DIRAS2: variants seen among roughly 807,000 people sequenced by gnomAD.
DIRAS2 encodes DIRAS family GTPase 2, also known as GTP-binding protein Di-Ras2.
In DIRAS2, 5 loss-of-function variants were observed where a neutral mutation model predicts 13.9. That is an observed-to-expected ratio of 0.36 (90% CI 0.19 to 0.76). DIRAS2 has a LOEUF of 0.76. Among genes scored for constraint, DIRAS2 ranks in the 30% least tolerant of loss-of-function variants. DIRAS2 has a pLI of 0.53. For missense variants in DIRAS2, 191 were observed against 263.0 expected (o/e 0.73, Z 1.89); for synonymous variants, 111 against 105.4 (o/e 1.05, Z -0.33).
In DIRAS2 at chr9:90,624,852, C is replaced by A. The variant is rs534325415; in HGVS notation, c.-36-10989G>T. On this transcript the variant is annotated intron_variant, in intron 1 of 1. Coordinates refer to ENST00000375765, the MANE Select transcript of DIRAS2 (RefSeq NM_017594.5). Reference sequence around the variant, plus strand: ...GCCTCAGCCTCCCGAGTAGCTGGGACTACAGGCGGGCGCCACCACCTGCCT... The same window carrying A: ...GCCTCAGCCTCCCGAGTAGCTGGGAATACAGGCGGGCGCCACCACCTGCCT... 2.7e-4 allele frequency among the ~76,000 whole-genome samples: 41 copies of A among 152,236 alleles called. No individual in the cohort carries two copies. The South Asian group carries it at 8.3e-3, about 31-fold the overall frequency.
At chr9:90,627,131 T>G (rs1196023600) in intron 1 of DIRAS2, among the ~76,000 whole-genome samples, 6 of 152,200 alleles carry the variant, frequency 3.9e-5, no homozygotes, top group Non-Finnish European at 8.8e-5. Context: ...CTATTTCTTC[T>G]GCTTTCACCA....
chr9:90,615,319 A>C (rs566472259), intron 1 of DIRAS2, among the ~76,000 whole-genome samples: 3 of 152,214 alleles, frequency 2.0e-5, no homozygotes, highest in Non-Finnish European at 4.4e-5. Context: ...TTCAATACTC[A>C]GCTGTTCTTG....
chr9:90,642,198 G>A (rs1825424696), intron 1 of DIRAS2, among the ~76,000 whole-genome samples: 2 of 152,228 alleles, frequency 1.3e-5, no homozygotes, highest in African/African-American at 4.8e-5. Flanking sequence ...ACTGGATGCA[G>A]CCCCTTGCCC....
chr9:90,614,614 C>T lies in DIRAS2; in HGVS notation c.-36-751G>A, dbSNP rs1290643245. Reference sequence around the variant, plus strand: ...TCCCATAAGCTGTCTGTAGACAGAGCTGGTCCCAGTGACTTGGGCGTTACT... The same window carrying T: ...TCCCATAAGCTGTCTGTAGACAGAGTTGGTCCCAGTGACTTGGGCGTTACT... On this transcript the variant is annotated intron_variant, in intron 1 of 1. Transcript: ENST00000375765. Among the ~76,000 whole-genome samples the T allele has an allele frequency of 2.6e-5, 4 of 152,136 alleles. No homozygotes were observed. In the East Asian group the frequency reaches 5.8e-4, roughly 22 times the overall value.
intron 1 of DIRAS2, among the ~76,000 whole-genome samples, chr9:90,616,434 A>G (rs1825169385): frequency 6.6e-6 from 1 of 152,208 alleles, no homozygotes; most frequent in Non-Finnish European, 1.5e-5. Context: ...TATCATAGCA[A>G]GTGCTGCAAA....
At chr9:90,640,680 A>G (rs899779955) in intron 1 of DIRAS2, among the ~76,000 whole-genome samples, 1 of 152,230 alleles carries the variant, frequency 6.6e-6, no homozygotes, top group South Asian at 2.1e-4. Flanking sequence ...GCAATCCACC[A>G]TATGAGTGAG....
At chr9:90,634,820 G>A (rs1174657383) in intron 1 of DIRAS2, among the ~76,000 whole-genome samples, 2 of 152,166 alleles carry the variant, frequency 1.3e-5, no homozygotes, top group Non-Finnish European at 2.9e-5. Flanking sequence ...CAGAAATAAA[G>A]TACAACTCTA....
intron 1 of DIRAS2, among the ~76,000 whole-genome samples, chr9:90,630,365 A>G (rs768436881): frequency 4.6e-5 from 7 of 152,244 alleles, no homozygotes; most frequent in Non-Finnish European, 1.0e-4. Flanking sequence ...GGCAACGGCA[A>G]TTGAAATAAA....
chr9:90,639,865 T>C (rs1825403050), intron 1 of DIRAS2, among the ~76,000 whole-genome samples: 1 of 152,244 alleles, frequency 6.6e-6, no homozygotes, highest in African/African-American at 2.4e-5. Flanking sequence ...ATCATTTGTA[T>C]ATTTATTTTT....
At chr9:90,623,351 C>T (rs1825237254) in intron 1 of DIRAS2, among the ~76,000 whole-genome samples, 1 of 152,084 alleles carries the variant, frequency 6.6e-6, no homozygotes, top group South Asian at 2.1e-4. Context: ...GCTGGGATGA[C>T]TTGATACACA....
intron 1 of DIRAS2, among the ~76,000 whole-genome samples, chr9:90,616,898 T>C (rs754660715): frequency 6.2e-4 from 94 of 152,140 alleles, no homozygotes; most frequent in Non-Finnish European, 1.2e-3. Context: ...TAGGAAAGTA[T>C]ACATTACGCC....
chr9:90,614,861 T>C (rs1825153043), intron 1 of DIRAS2, among the ~76,000 whole-genome samples: 1 of 152,224 alleles, frequency 6.6e-6, no homozygotes, highest in South Asian at 2.1e-4. Flanking sequence ...CCTAGTTTAA[T>C]ATTTATTTTT....
In DIRAS2 at chr9:90,613,291, G is replaced by T; in HGVS notation, c.537C>A (p.Asp179Glu). Residue 179 changes from aspartate (D) to glutamate (E), a missense_variant, in exon 2 of 2, where the codon GAC (aspartate) becomes GAA (glutamate). Physicochemically the swap from Asp to Glu is conservative, Grantham distance 45. Transcript: ENST00000375765. The surrounding 1 kb of genome is among the most constrained non-coding windows in gnomAD (Gnocchi z 5.6). ...EKRRTVSLQIDGKKSKQQKRK... is the reference protein window; with the variant it reads ...EKRRTVSLQIEGKKSKQQKRK... ...TTTTCTGCTGCTTGCTCTTTTTCCCGTCGATCTGGAGACTCACGGTCCTGC... is the reference window on the plus strand; with the variant it reads ...TTTTCTGCTGCTTGCTCTTTTTCCCTTCGATCTGGAGACTCACGGTCCTGC... The T allele has an allele frequency of 6.2e-7, 1 of 1,613,742 alleles. No homozygotes were observed. The highest frequency in any genetic ancestry group is 8.5e-7 in the Non-Finnish European group (1 of 1,179,998).
Position 90,631,077 on chromosome 9 carries a change from G to A in DIRAS2, c.-37+11675C>T, listed in dbSNP as rs527329052. 3.1e-4 allele frequency among the ~76,000 whole-genome samples: 47 copies of A among 152,270 alleles called. No homozygotes were observed. In the South Asian group the frequency reaches 8.1e-3, roughly 26 times the overall value. ...CATGAATAAAATATATTTTTATTAC[G>A]TATCAAAAATATGTAGTGAGCATCG... On this transcript the variant is annotated intron_variant, in intron 1 of 1. Coordinates refer to ENST00000375765, the MANE Select transcript of DIRAS2 (RefSeq NM_017594.5).
chr9:90,641,437 T>C lies in DIRAS2; in HGVS notation c.-37+1315A>G, dbSNP rs1397416317. Among the ~76,000 whole-genome samples the C allele has an allele frequency of 2.6e-5, 4 of 152,188 alleles. No homozygotes were observed. In the South Asian group the frequency reaches 6.2e-4, roughly 24 times the overall value. ...GACTATTACCAAATTAAATGCCATATGTTAAATGGGATGAAAATGTTTCCT... is the reference window on the plus strand; with the variant it reads ...GACTATTACCAAATTAAATGCCATACGTTAAATGGGATGAAAATGTTTCCT... On this transcript the variant is annotated intron_variant, in intron 1 of 1. Transcript: ENST00000375765.
At chr9:90,615,665 A>G (rs894086708) in intron 1 of DIRAS2, among the ~76,000 whole-genome samples, 1 of 152,198 alleles carries the variant, frequency 6.6e-6, no homozygotes, top group African/African-American at 2.4e-5. Flanking sequence ...AAGAAGCTGG[A>G]TCTGGTGAGA....
At chr9:90,617,169 G>C (rs1825177758) in intron 1 of DIRAS2, among the ~76,000 whole-genome samples, 1 of 152,238 alleles carries the variant, frequency 6.6e-6, no homozygotes, top group Non-Finnish European at 1.5e-5. Context: ...TAGCAAGTGA[G>C]TGGTGGCACT....
In DIRAS2 at chr9:90,613,110, G is replaced by C; in HGVS notation, c.*118C>G. On this transcript the variant is annotated 3_prime_UTR_variant, in exon 2 of 2. Transcript: ENST00000375765. This position sits in a 1 kb window ranked among gnomAD's most constrained non-coding sequence, Gnocchi z 5.6. Reference sequence around the variant, plus strand: ...TCTTAAGGACAATAGGACGCATCTCGATTAAATGCAATGTTTAACACGTGG... The same window carrying C: ...TCTTAAGGACAATAGGACGCATCTCCATTAAATGCAATGTTTAACACGTGG... The C allele has an allele frequency of 7.1e-7, 1 of 1,410,998 alleles. No homozygotes were observed. Among genetic ancestry groups the C allele is most frequent in the East Asian group, 2.3e-5 (1 of 43,578 alleles). 87.4% of individuals were successfully genotyped at this position (1,410,998 alleles called of 1,614,324 possible). A position where few individuals can be genotyped will look rare whatever the true frequency, so the allele number is the denominator to read the frequency against.
rs946435060 is a variant in DIRAS2 at position 90,612,290 on chromosome 9, C to T, written c.*938G>A. 1 of 152,574 alleles carries T rather than the reference C, an allele frequency of 6.6e-6. No homozygotes were observed. Among genetic ancestry groups the T allele is most frequent in the African/African-American group, 2.4e-5 (1 of 41,418 alleles). 9.5% of individuals were successfully genotyped at this position (152,574 alleles called of 1,614,324 possible). On this transcript the variant is annotated 3_prime_UTR_variant, in exon 2 of 2. Transcript: ENST00000375765. Reference sequence around the variant, plus strand: ...CTGGTTGTCTGATGGCCTTTGCTGGCTGCTACCCAGCTGGGTACAGATCGA... The same window carrying T: ...CTGGTTGTCTGATGGCCTTTGCTGGTTGCTACCCAGCTGGGTACAGATCGA...
Sources: gnomAD v4.1 joint callset for allele counts (sites outside exome capture counted in the v4.1 genomes callset) on GRCh38, gnomAD v4.1.1 for gene constraint, Gnocchi (gnomAD v3.1) non-coding constraint, MANE v1.5 for transcripts, NCBI Gene and HGNC (gene_info 2026-07-23, HGNC 2026-07-21) for gene names.